PARD3B: variants seen among roughly 807,000 people sequenced by gnomAD.
PARD3B encodes partitioning defective 3 homolog B.
PARD3B carries 103 observed loss-of-function variants against 130.2 expected under a neutral mutation model. The ratio of observed to expected loss-of-function variants is 0.79; its 90% CI spans 0.67 to 0.93. The LOEUF (loss-of-function observed/expected upper bound fraction) is 0.93. PARD3B is among the 40% of genes least tolerant of loss of function. PARD3B has a pLI of 0.00. For missense variants in PARD3B, 1,609 were observed against 1,499.2 expected, an observed-to-expected ratio of 1.07 and a Z score of -1.21; for synonymous variants, 583 against 553.2, an observed-to-expected ratio of 1.05 and a Z score of -0.76.
At chr2:204,604,420 T>C (rs956467899) in intron 1 of PARD3B, among the ~76,000 whole-genome samples, 5 of 152,150 alleles carry the variant, frequency 3.3e-5, no homozygotes, top group African/African-American at 1.2e-4. Flanking sequence ...TTTTAAAAAT[T>C]TATGTTTCCC....
chr2:205,375,030 A>C (rs959233788), intron 18 of PARD3B, among the ~76,000 whole-genome samples: 2 of 152,178 alleles, frequency 1.3e-5, no homozygotes, highest in Non-Finnish European at 2.9e-5. Flanking sequence ...ATAAATAATA[A>C]ATTTTAACAT....
chr2:204,810,178 T>C (rs2125521329), intron 2 of PARD3B, among the ~76,000 whole-genome samples: 1 of 152,232 alleles, frequency 6.6e-6, no homozygotes, highest in East Asian at 1.9e-4. Flanking sequence ...TACAGAATCA[T>C]GTCTTCTGCA....
intron 2 of PARD3B, among the ~76,000 whole-genome samples, chr2:204,860,905 T>C (rs180878847): frequency 3.1e-4 from 47 of 152,288 alleles, no homozygotes; most frequent in African/African-American, 1.1e-3. Context: ...TTGTTTAGCA[T>C]TGGGCTAAAA....
chr2:205,252,472 A>C (rs964958032), intron 16 of PARD3B, among the ~76,000 whole-genome samples: 3 of 152,152 alleles, frequency 2.0e-5, no homozygotes, highest in Non-Finnish European at 4.4e-5. Flanking sequence ...TCCATTTGGA[A>C]TTGGGGATGG....
At chr2:204,576,920 G>A (rs1037858953) in intron 1 of PARD3B, among the ~76,000 whole-genome samples, 2 of 152,064 alleles carry the variant, frequency 1.3e-5, no homozygotes, top group African/African-American at 2.4e-5. Flanking sequence ...ATCAGAAACC[G>A]TGCCGTGTTT....
At chr2:204,940,152 A>G (rs1014065561) in intron 2 of PARD3B, among the ~76,000 whole-genome samples, 3 of 152,218 alleles carry the variant, frequency 2.0e-5, no homozygotes, top group African/African-American at 7.2e-5. Context: ...AAGTTAACGT[A>G]GGAAGATTAA....
intron 13 of PARD3B, 46 bp from the exon 14 acceptor site, chr2:205,185,718 G>T: frequency 6.6e-7 from 1 of 1,525,582 alleles, no homozygotes; most frequent in South Asian, 1.1e-5. Flanking sequence ...GGCATCGAAT[G>T]GTTCTGCTTC....
chr2:205,576,060 G>A (rs148438498), intron 22 of PARD3B, among the ~76,000 whole-genome samples: 257 of 152,200 alleles, frequency 1.7e-3, no homozygotes, highest in African/African-American at 5.8e-3. Flanking sequence ...TTCTAATTGT[G>A]GCCATCCTAA....
chr2:205,508,643 A>T (rs1174084117), intron 21 of PARD3B, among the ~76,000 whole-genome samples: 2 of 151,908 alleles, frequency 1.3e-5, no homozygotes, highest in Admixed American at 1.3e-4. Context: ...ACGATGGGCA[A>T]TCCCTTCTCA....
rs76669259 is a variant in PARD3B, at chr2:205,176,019, A to T, written c.1792-426A>T. 0.042 allele frequency among the ~76,000 whole-genome samples: 6,339 copies of T among 152,284 alleles called. 292 individuals carry two copies. Among genetic ancestry groups the T allele is most frequent in the African/African-American group, 0.11 (4,479 of 41,572 alleles). On this transcript the variant is annotated intron_variant, in intron 12 of 22. Coordinates refer to ENST00000406610, the MANE Select transcript of PARD3B (RefSeq NM_001302769.2). The surrounding 1 kb of genome is among the most constrained non-coding windows in gnomAD (Gnocchi z 5.3). ...GTATTTCAGAGGCGAACCTGCTTGA[A>T]TTCTGACTTGTCCTAGAGCATATGC...
In PARD3B at chr2:205,572,561, A is replaced by G. The variant is rs1252892094; in HGVS notation, c.3260+19158A>G. On this transcript the variant is annotated intron_variant, in intron 22 of 22. Coordinates refer to ENST00000406610, the MANE Select transcript of PARD3B (RefSeq NM_001302769.2). This position sits in a 1 kb window ranked among gnomAD's most constrained non-coding sequence, Gnocchi z 4.2. ...GGAGTTTGAGACCACCCCAAACAAC[A>G]TGGTGAAACCTCATCTCTACTAAAA... 6.6e-6 allele frequency among the ~76,000 whole-genome samples: 1 copy of G among 152,314 alleles called. No individual in the cohort carries two copies. Among genetic ancestry groups the G allele is most frequent in the Non-Finnish European group, 1.5e-5 (1 of 68,016 alleles).
intron 21 of PARD3B, among the ~76,000 whole-genome samples, chr2:205,528,290 G>T (rs968979723): frequency 6.6e-6 from 1 of 152,152 alleles, no homozygotes; most frequent in Non-Finnish European, 1.5e-5. Flanking sequence ...TATTTAAGAA[G>T]TCATGCACAT....
chr2:205,616,622 C>T lies in PARD3B; in HGVS notation c.*809C>T, dbSNP rs1046670138. ...TCCCACGGCCCTCACCTTCCTCCCT[C>T]CCACATTCCAGGCATGGAGATATCT... On this transcript the variant is annotated 3_prime_UTR_variant, in exon 23 of 23. Coordinates refer to ENST00000406610, the MANE Select transcript of PARD3B (RefSeq NM_001302769.2). 6.6e-6 allele frequency: 1 copy of T among 152,206 alleles called. No homozygotes were observed. Among genetic ancestry groups the T allele is most frequent in the African/African-American group, 2.4e-5 (1 of 41,446 alleles). 9.4% of individuals were successfully genotyped at this position (152,206 alleles called of 1,614,324 possible).
At chr2:205,551,834 C>T (rs888524188) in intron 21 of PARD3B, among the ~76,000 whole-genome samples, 1 of 152,164 alleles carries the variant, frequency 6.6e-6, no homozygotes, top group Admixed American at 6.5e-5. Flanking sequence ...GACCTTGACA[C>T]TGTTAGTTCC....
chr2:205,526,699 AAAAAAATT>A (rs1179333364), intron 21 of PARD3B, among the ~76,000 whole-genome samples: 2 of 152,166 alleles, frequency 1.3e-5, no homozygotes, highest in Non-Finnish European at 2.9e-5. Context: ...ATTGACATGA[AAAAAAATT>A]AAATGTACAA....
chr2:204,834,759 C>A (rs2043967298), intron 2 of PARD3B, among the ~76,000 whole-genome samples: 2 of 152,200 alleles, frequency 1.3e-5, no homozygotes, highest in African/African-American at 4.8e-5. Flanking sequence ...CCTATCCTCC[C>A]ATAGTTCAGC....
In PARD3B at chr2:204,827,214, T is replaced by C. The variant is rs76794832; in HGVS notation, c.223-137938T>C. On this transcript the variant is annotated intron_variant, in intron 2 of 22. Coordinates refer to ENST00000406610, the MANE Select transcript of PARD3B (RefSeq NM_001302769.2). ...TTAACAGTTATTGAAATATTGTGTA[T>C]TGAACCAGTGTTAGCAATCCAGCAT... 4.8e-4 allele frequency among the ~76,000 whole-genome samples: 73 copies of C among 152,332 alleles called. 1 individual carries two copies. The East Asian group carries it at 0.011, about 23-fold the overall frequency.
intron 11 of PARD3B, among the ~76,000 whole-genome samples, chr2:205,167,566 A>G (rs1343851549): frequency 6.6e-6 from 1 of 152,176 alleles, no homozygotes; most frequent in Non-Finnish European, 1.5e-5. Context: ...TTCTTCTTTT[A>G]TAAAATGGGG....
chr2:205,351,211 T>C lies in PARD3B; in HGVS notation c.2630+49510T>C, dbSNP rs1339494998. Among the ~76,000 whole-genome samples, 1 of 152,212 alleles carries C rather than the reference T, an allele frequency of 6.6e-6. No individual in the cohort carries two copies. The highest frequency in any genetic ancestry group is 6.5e-5 in the Admixed American group (1 of 15,276). ...TTAAATGTTATTCTCTCTGTCACCT[T>C]GCTGTCTCCCCACCACATTTATGAT... On this transcript the variant is annotated intron_variant, in intron 18 of 22. Transcript: ENST00000406610. The surrounding 1 kb of genome is among the most constrained non-coding windows in gnomAD (Gnocchi z 4.2).
Sources: allele counts gnomAD v4.1 joint callset (sites outside exome capture counted in the v4.1 genomes callset), GRCh38; gene constraint gnomAD v4.1.1; non-coding constraint Gnocchi (gnomAD v3.1); transcripts MANE v1.5; gene names NCBI Gene and HGNC (gene_info 2026-07-23, HGNC 2026-07-21).